The following CA10 variants were observed in gnomAD, a reference collection of about 807,000 sequenced individuals.
CA10 encodes carbonic anhydrase 10 (inactive).
In CA10, 14 loss-of-function variants were observed where a neutral mutation model predicts 44.2. The ratio of observed to expected loss-of-function variants is 0.32; its 90% CI spans 0.21 to 0.50. CA10 has a LOEUF of 0.50. CA10 is among the 20% of genes least tolerant of loss of function. The pLI is 0.99. For synonymous variants in CA10, 159 were observed against 141.6 expected (o/e 1.12, Z -0.87); for missense variants, 350 against 409.7 (o/e 0.85, Z 1.26).
intron 1 of CA10, among the ~76,000 whole-genome samples, chr17:52,105,618 C>T (rs960772023): frequency 3.9e-5 from 6 of 152,138 alleles, no homozygotes; most frequent in African/African-American, 1.4e-4. Flanking sequence ...TACAAAATGA[C>T]AATAATAACA....
chr17:51,703,682 G>A (rs987592017), intron 4 of CA10, among the ~76,000 whole-genome samples: 4 of 152,156 alleles, frequency 2.6e-5, no homozygotes, highest in South Asian at 2.1e-4. Context: ...TACAAGAGTC[G>A]TGAGGTGGCA....
Position 52,157,968 on chromosome 17 carries a change from C to T in CA10, c.-182G>A, listed in dbSNP as rs1173136992. On this transcript the variant is annotated 5_prime_UTR_variant, in exon 1 of 9. Coordinates refer to ENST00000451037, the MANE Select transcript of CA10 (RefSeq NM_020178.5). ...ATCAATATCGCAGTTTGAATTGTTC[C>T]GGCAAATCTCCCCTCGGGCTCGACG... The T allele has an allele frequency of 2.4e-5, 15 of 636,072 alleles. No individual in the cohort carries two copies. The East Asian group carries it at 3.5e-4, about 15-fold the overall frequency. The allele number at this position is 636,072 out of a possible 1,614,324, so 39.4% of individuals were successfully genotyped here. A position where few individuals can be genotyped will look rare whatever the true frequency, so the allele number is the denominator to read the frequency against.
intron 3 of CA10, among the ~76,000 whole-genome samples, chr17:51,902,535 T>C (rs9674802): frequency 0.057 from 8,707 of 152,218 alleles, 294 homozygotes; most frequent in African/African-American, 0.094. Context: ...GGCCACACAA[T>C]GAGCTAGTAA....
chr17:51,715,613 C>T (rs975023596), intron 4 of CA10, among the ~76,000 whole-genome samples: 1 of 152,092 alleles, frequency 6.6e-6, no homozygotes, highest in African/African-American at 2.4e-5. Context: ...TTAAAATGTA[C>T]AATTAAGTTA....
chr17:51,926,747 GGT>G (rs1406580954), intron 3 of CA10, among the ~76,000 whole-genome samples: 1 of 152,006 alleles, frequency 6.6e-6, no homozygotes, highest in East Asian at 1.9e-4. Context: ...GGTTACAAGG[GGT>G]TTGCCTGGAT....
At position 51,802,558 on chromosome 17, in the gene CA10, G is replaced by A. The variant is rs546275710; in HGVS notation, c.280-54740C>T. Among the ~76,000 whole-genome samples the A allele has an allele frequency of 8.4e-5, 9 of 107,658 alleles. No homozygotes were observed. In the South Asian group the frequency reaches 1.5e-3, roughly 17 times the overall value. 70.6% of individuals were successfully genotyped at this position (107,658 alleles called of 152,430 possible). A position where few individuals can be genotyped will look rare whatever the true frequency, so the allele number is the denominator to read the frequency against. ...GGCTCTGCTTGGATCATTTGTGCCT[G>A]ATGTCTGAAAAAAAAAAAAAAAAAA... On this transcript the variant is annotated intron_variant, in intron 3 of 8. Coordinates refer to ENST00000451037, the MANE Select transcript of CA10 (RefSeq NM_020178.5).
intron 2 of CA10, among the ~76,000 whole-genome samples, chr17:52,049,106 G>A (rs986183862): frequency 3.3e-5 from 5 of 152,040 alleles, no homozygotes; most frequent in African/African-American, 4.8e-5. Context: ...TTAAGTGGTG[G>A]GCGTTAGGAA....
At chr17:51,961,164 ACTCT>A (rs954539421) in intron 2 of CA10, among the ~76,000 whole-genome samples, 7 of 139,002 alleles carry the variant, frequency 5.0e-5, no homozygotes, top group African/African-American at 1.6e-4. Flanking sequence ...TCCTGCCCCT[ACTCT>A]CTCTCTGTAT....
chr17:52,008,640 ATCTT>A (rs1985683353), intron 2 of CA10, among the ~76,000 whole-genome samples: 1 of 151,776 alleles, frequency 6.6e-6, no homozygotes, highest in South Asian at 2.1e-4. Context: ...ATCCTCCAGT[ATCTT>A]TCTTTTACTT....
intron 2 of CA10, among the ~76,000 whole-genome samples, chr17:52,044,701 A>T (rs1160259109): frequency 2.6e-5 from 4 of 152,152 alleles, no homozygotes; most frequent in African/African-American, 9.6e-5. Context: ...AATATACTTC[A>T]TGAGATTAGT....
intron 8 of CA10, among the ~76,000 whole-genome samples, chr17:51,633,030 G>A (rs1379514178): frequency 6.6e-6 from 1 of 152,142 alleles, no homozygotes; most frequent in Admixed American, 6.5e-5. Flanking sequence ...ATACTTAAAA[G>A]CTCTAATGCT....
rs551126559 is a variant in CA10, at chr17:52,020,212, GGAT to G, written c.136+52104_136+52106del. 2.6e-4 allele frequency among the ~76,000 whole-genome samples: 39 copies of G among 151,900 alleles called. No individual in the cohort carries two copies. The South Asian group carries it at 8.1e-3, about 32-fold the overall frequency. On this transcript the variant is annotated intron_variant, in intron 2 of 8. Transcript: ENST00000451037. Reference sequence around the variant, plus strand: ...TACATTACCTCATATTAAACAATTTGGATGATATATTTTCAGATATTTTTGGCA... The same window carrying G: ...TACATTACCTCATATTAAACAATTTGGATATATTTTCAGATATTTTTGGCA...
chr17:51,998,572 G>C (rs1252967396), intron 2 of CA10, among the ~76,000 whole-genome samples: 1 of 151,886 alleles, frequency 6.6e-6, no homozygotes, highest in African/African-American at 2.4e-5. Flanking sequence ...TCTAAACTCT[G>C]GCAGTACCCC....
intron 4 of CA10, among the ~76,000 whole-genome samples, chr17:51,678,073 G>A (rs568744471): frequency 6.6e-6 from 1 of 152,252 alleles, no homozygotes; most frequent in East Asian, 1.9e-4. Flanking sequence ...AGGAAGAAAT[G>A]ACAATACATG....
At chr17:51,700,093 C>A (rs1915541093) in intron 4 of CA10, among the ~76,000 whole-genome samples, 1 of 152,162 alleles carries the variant, frequency 6.6e-6, no homozygotes, top group Non-Finnish European at 1.5e-5. Context: ...TGGTAGGCTG[C>A]ACGATGCTGC....
intron 3 of CA10, among the ~76,000 whole-genome samples, chr17:51,779,842 C>T (rs900194256): frequency 6.6e-6 from 1 of 152,074 alleles, no homozygotes; most frequent in Admixed American, 6.6e-5. Context: ...GGGAATGTGC[C>T]TCAGGAGAAG....
intron 5 of CA10, among the ~76,000 whole-genome samples, chr17:51,651,765 CAT>C (rs1406847309): frequency 9.2e-5 from 14 of 152,208 alleles, no homozygotes; most frequent in African/African-American, 3.4e-4. Flanking sequence ...TTTTCAGACA[CAT>C]GAGGTAAAGT....
chr17:51,899,332 C>A (rs1438875374), intron 3 of CA10, among the ~76,000 whole-genome samples: 38 of 152,032 alleles, frequency 2.5e-4, no homozygotes, highest in Admixed American at 2.5e-3. Context: ...CATTCAGGAG[C>A]AGGTTGTTTA....
chr17:51,885,455 T>C (rs547043060), intron 3 of CA10, among the ~76,000 whole-genome samples: 1 of 152,168 alleles, frequency 6.6e-6, no homozygotes, highest in East Asian at 1.9e-4. Context: ...ACTCTCCTTA[T>C]TTGCTCTTTC....
Sources: gnomAD v4.1 joint callset for allele counts (sites outside exome capture counted in the v4.1 genomes callset) on GRCh38, gnomAD v4.1.1 for gene constraint, MANE v1.5 for transcripts, NCBI Gene and HGNC (gene_info 2026-07-23, HGNC 2026-07-21) for gene names.